The following CDH13 variants were observed in gnomAD, a reference collection of about 807,000 sequenced individuals.
CDH13 encodes the protein cadherin 13, also known as cadherin-13.
Under a neutral mutation model 63.8 loss-of-function variants are expected in CDH13, and 24 were observed. The observed-to-expected ratio is 0.38, with a 90% CI of 0.27 to 0.53. The LOEUF is 0.53. CDH13 is among the 20% of genes least tolerant of loss of function. CDH13 has a pLI of 0.85. For missense variants in CDH13, 1,049 were observed against 903.1 expected, an observed-to-expected ratio of 1.16 and a Z score of -2.07; for synonymous variants, 503 against 355.3, an observed-to-expected ratio of 1.42 and a Z score of -4.67.
At chr16:82,833,633 C>G (rs2038640634) in intron 1 of CDH13, among the ~76,000 whole-genome samples, 1 of 152,224 alleles carries the variant, frequency 6.6e-6, no homozygotes, top group African/African-American at 2.4e-5. Context: ...CCCTCCCGCT[C>G]TGTTCTTCCA....
At chr16:82,915,846 A>G (rs993401365) in intron 2 of CDH13, among the ~76,000 whole-genome samples, 3 of 149,660 alleles carry the variant, frequency 2.0e-5, no homozygotes, top group Non-Finnish European at 3.0e-5. Context: ...ATTTTTTGGC[A>G]TACTAGACCA....
At chr16:82,856,847 C>G (rs1172381297) in intron 1 of CDH13, among the ~76,000 whole-genome samples, 1 of 151,968 alleles carries the variant, frequency 6.6e-6, no homozygotes, top group Non-Finnish European at 1.5e-5. Context: ...CTTTGGCACT[C>G]AATCCCAGGT....
intron 5 of CDH13, among the ~76,000 whole-genome samples, chr16:83,286,417 A>C (rs2089314098): frequency 6.6e-6 from 1 of 152,168 alleles, no homozygotes; most frequent in East Asian, 1.9e-4. Flanking sequence ...CTCTGGTCAG[A>C]GGCAGCTTTA....
intron 1 of CDH13, chr16:82,829,619 T>G (rs1318285545): frequency 6.6e-6 from 1 of 152,056 alleles, no homozygotes; most frequent in Non-Finnish European, 1.5e-5. Context: ...CATGAGTTAA[T>G]GAAATTCCGT....
chr16:82,883,778 C>A (rs759589083), intron 2 of CDH13, among the ~76,000 whole-genome samples: 7 of 152,208 alleles, frequency 4.6e-5, no homozygotes, highest in Non-Finnish European at 7.3e-5. Flanking sequence ...ATTTCATGGT[C>A]TTCCCCATCT....
chr16:83,541,700 G>A (rs2075298438), intron 7 of CDH13, among the ~76,000 whole-genome samples: 1 of 152,186 alleles, frequency 6.6e-6, no homozygotes, highest in Non-Finnish European at 1.5e-5. Flanking sequence ...TGAGCAAAGT[G>A]GAAGAAATTC....
chr16:83,304,109 T>C (rs1597706093), intron 5 of CDH13, among the ~76,000 whole-genome samples: 1 of 152,224 alleles, frequency 6.6e-6, no homozygotes, highest in South Asian at 2.1e-4. Flanking sequence ...ACTATGGGGG[T>C]AGCGCAGAGT....
At chr16:82,703,543 A>G (rs2031227857) in intron 1 of CDH13, among the ~76,000 whole-genome samples, 1 of 152,170 alleles carries the variant, frequency 6.6e-6, no homozygotes, top group Admixed American at 6.5e-5. Flanking sequence ...AGTAGCCCAC[A>G]GTGGTACCTG....
At chr16:82,707,736 C>G (rs1401829564) in intron 1 of CDH13, among the ~76,000 whole-genome samples, 1 of 152,178 alleles carries the variant, frequency 6.6e-6, no homozygotes. Context: ...AAAGTAGGCA[C>G]TCACTAAATA....
intron 2 of CDH13, among the ~76,000 whole-genome samples, chr16:82,902,380 G>A (rs1468799832): frequency 1.4e-5 from 2 of 147,310 alleles, no homozygotes; most frequent in African/African-American, 2.5e-5. Context: ...AATGAAGCCA[G>A]GTTAGGAGAA....
rs780946158 is a variant in CDH13, at chr16:83,032,176, A to G, written c.324A>G (p.Glu108=). ...ARTPHAEDMA[E]LVIVGGKDIQ... is the part of the protein sequence containing the mutation. ...CCCCCCATGCGGAAGATATGGCAGA[A>G]CTCGTGATTGTCGGGGGGAAAGACA... Residue 108 remains glutamate (E), a synonymous_variant, in exon 3 of 14, where the codon GAA becomes GAG. Transcript: ENST00000567109. 4 of 1,613,628 alleles carry G rather than the reference A, an allele frequency of 2.5e-6. No homozygotes were observed. Among genetic ancestry groups the G allele is most frequent in the Non-Finnish European group, 3.4e-6 (4 of 1,179,726 alleles).
At chr16:82,641,682 C>A (rs1348722981) in intron 1 of CDH13, among the ~76,000 whole-genome samples, 2 of 152,202 alleles carry the variant, frequency 1.3e-5, no homozygotes, top group African/African-American at 4.8e-5. Flanking sequence ...AAAGTGGAGG[C>A]TGTCTAAACA....
At chr16:83,494,834 T>TA (rs1385159580) in intron 7 of CDH13, among the ~76,000 whole-genome samples, 1 of 152,242 alleles carries the variant, frequency 6.6e-6, no homozygotes, top group Non-Finnish European at 1.5e-5. Flanking sequence ...TTTCATAGGA[T>TA]AAAAGCTTGT....
At chr16:83,524,820 T>TC (rs1415915040) in intron 7 of CDH13, among the ~76,000 whole-genome samples, 1 of 152,062 alleles carries the variant, frequency 6.6e-6, no homozygotes, top group Non-Finnish European at 1.5e-5. Flanking sequence ...ACTGAGAGTG[T>TC]CAAGTTTATC....
At chr16:82,851,341 T>C (rs2151152795) in intron 1 of CDH13, among the ~76,000 whole-genome samples, 1 of 150,306 alleles carries the variant, frequency 6.7e-6, no homozygotes, top group East Asian at 1.9e-4. Context: ...AGACTGAGTC[T>C]GGAGAATTGC....
chr16:82,879,619 T>C (rs1451501824), intron 2 of CDH13, among the ~76,000 whole-genome samples: 1 of 140,792 alleles, frequency 7.1e-6, no homozygotes, highest in Non-Finnish European at 1.5e-5. Flanking sequence ...TATTTATACA[T>C]AATATAAAAT....
In CDH13 at chr16:83,017,370, T is replaced by C. The variant is rs543095426; in HGVS notation, c.158-14640T>C. On this transcript the variant is annotated intron_variant, in intron 2 of 13. Transcript: ENST00000567109. The stretch of plus-strand genomic sequence containing the variant: ...GACTCTTTGACTCCCTGTTATGTCC[T>C]GTGCTGCTAAGCTGTAGAATAACTT... Among the ~76,000 whole-genome samples the C allele has an allele frequency of 3.3e-4, 50 of 152,372 alleles. 1 individual carries two copies. Among genetic ancestry groups the C allele is most frequent in the Middle Eastern group, 3.4e-3 (1 of 294 alleles).
intron 1 of CDH13, chr16:82,844,391 G>A (rs973486358): frequency 1.3e-5 from 2 of 152,038 alleles, no homozygotes; most frequent in Middle Eastern, 3.4e-3. Flanking sequence ...CACAAGGTCA[G>A]GAGGTCAAGA....
intron 6 of CDH13, among the ~76,000 whole-genome samples, chr16:83,352,099 C>T (rs925657122): frequency 1.3e-5 from 2 of 152,188 alleles, no homozygotes; most frequent in Admixed American, 6.5e-5. Context: ...GGGATGGCAT[C>T]ATTAACATGC....
Sources: gnomAD v4.1 joint callset for allele counts (sites outside exome capture counted in the v4.1 genomes callset) on GRCh38, gnomAD v4.1.1 for gene constraint, MANE v1.5 for transcripts, NCBI Gene and HGNC (gene_info 2026-07-23, HGNC 2026-07-21) for gene names.